Variants in PPM1E observed in about 807,000 individuals in gnomAD.
PPM1E encodes the protein protein phosphatase, Mg2+/Mn2+ dependent 1E.
A neutral mutation model predicts 65.9 loss-of-function variants in PPM1E; 20 were observed. The ratio of observed to expected loss-of-function variants is 0.30; its 90% CI spans 0.21 to 0.44. The LOEUF (loss-of-function observed/expected upper bound fraction) is 0.44, where lower values mean the gene tolerates loss of function less well. PPM1E is among the 20% of genes least tolerant of loss of function. The pLI, the probability that PPM1E is intolerant of heterozygous loss-of-function variation, is 1.00. For synonymous variants in PPM1E, 352 were observed against 374.9 expected (o/e 0.94, Z 0.70); for missense variants, 713 against 953.1 (o/e 0.75, Z 3.32).
intron 1 of PPM1E, among the ~76,000 whole-genome samples, chr17:58,877,338 C>A (rs975035184): frequency 6.6e-6 from 1 of 152,078 alleles, no homozygotes; most frequent in Non-Finnish European, 1.5e-5. Context: ...TTTTAAAATT[C>A]TCTTCTTTAA....
intron 1 of PPM1E, among the ~76,000 whole-genome samples, chr17:58,801,400 C>A (rs2050256328): frequency 6.6e-6 from 1 of 150,850 alleles, no homozygotes; most frequent in African/African-American, 2.4e-5. Flanking sequence ...GATAAATGTC[C>A]CCCTTTATCT....
intron 1 of PPM1E, among the ~76,000 whole-genome samples, chr17:58,808,998 C>G (rs1051537512): frequency 7.9e-5 from 12 of 152,232 alleles, no homozygotes; most frequent in African/African-American, 2.9e-4. Context: ...AGTCTCATTT[C>G]TTCTATAAGT....
At chr17:58,802,996 C>G (rs1211102246) in intron 1 of PPM1E, among the ~76,000 whole-genome samples, 1 of 152,082 alleles carries the variant, frequency 6.6e-6, no homozygotes, top group Non-Finnish European at 1.5e-5. Context: ...TTTACTTCCT[C>G]TTTTCTCATC....
intron 1 of PPM1E, among the ~76,000 whole-genome samples, chr17:58,840,429 GAATA>G (rs2050706867): frequency 6.6e-6 from 1 of 152,214 alleles, no homozygotes. Flanking sequence ...GAGGCTTAGA[GAATA>G]CCTCCCTGGA....
intron 1 of PPM1E, among the ~76,000 whole-genome samples, chr17:58,855,753 A>T (rs1021938635): frequency 3.9e-5 from 6 of 152,198 alleles, no homozygotes; most frequent in African/African-American, 1.4e-4. Context: ...GTAACAAACC[A>T]TCCTACGTTT....
At chr17:58,780,224 A>G (rs1391393527) in intron 1 of PPM1E, among the ~76,000 whole-genome samples, 1 of 152,360 alleles carries the variant, frequency 6.6e-6, no homozygotes. Flanking sequence ...TATATAAGAA[A>G]AAGGCTGGAT....
chr17:58,853,720 C>T (rs564391945), intron 1 of PPM1E, among the ~76,000 whole-genome samples: 5 of 152,094 alleles, frequency 3.3e-5, no homozygotes, highest in African/African-American at 1.2e-4. Context: ...CCCAGCTATT[C>T]CTCAGGAGAC....
chr17:58,953,626 G>A (rs1295687431), intron 1 of PPM1E, among the ~76,000 whole-genome samples: 1 of 152,000 alleles, frequency 6.6e-6, no homozygotes, highest in Non-Finnish European at 1.5e-5. Context: ...TTCCATTTCC[G>A]TAGCTTTAAA....
At chr17:58,944,046 G>A (rs1341749338) in intron 1 of PPM1E, among the ~76,000 whole-genome samples, 1 of 151,958 alleles carries the variant, frequency 6.6e-6, no homozygotes, top group Admixed American at 6.6e-5. Flanking sequence ...TCATCCTACA[G>A]TCAGATTCTA....
chr17:58,959,045 A>G (rs2029939906), intron 2 of PPM1E, among the ~76,000 whole-genome samples: 1 of 152,104 alleles, frequency 6.6e-6, no homozygotes, highest in Non-Finnish European at 1.5e-5. Context: ...TGTGGTGGCT[A>G]CGTCTGTAAT....
chr17:58,899,982 G>A (rs1235144534), intron 1 of PPM1E, among the ~76,000 whole-genome samples: 2 of 151,330 alleles, frequency 1.3e-5, no homozygotes, highest in Non-Finnish European at 2.9e-5. Flanking sequence ...ATCACTTGAG[G>A]CCAGGAGTTC....
intron 1 of PPM1E, among the ~76,000 whole-genome samples, chr17:58,886,623 A>G (rs922726606): frequency 6.6e-6 from 1 of 152,196 alleles, no homozygotes; most frequent in Non-Finnish European, 1.5e-5. Context: ...TACTGGCATT[A>G]ACTGAGGATT....
intron 1 of PPM1E, among the ~76,000 whole-genome samples, chr17:58,850,405 T>G (rs2050814729): frequency 6.6e-6 from 1 of 152,222 alleles, no homozygotes; most frequent in Non-Finnish European, 1.5e-5. Flanking sequence ...GTTTTTGCAG[T>G]GGCTGGTACT....
chr17:58,812,260 C>A (rs558043561), intron 1 of PPM1E, among the ~76,000 whole-genome samples: 1 of 134,278 alleles, frequency 7.4e-6, no homozygotes, highest in African/African-American at 2.8e-5. Context: ...GCCCACATTG[C>A]GCCACTGAAC....
At chr17:58,819,475 T>G (rs966487801) in intron 1 of PPM1E, among the ~76,000 whole-genome samples, 1 of 152,132 alleles carries the variant, frequency 6.6e-6, no homozygotes, top group Non-Finnish European at 1.5e-5. Flanking sequence ...CTAATTACAT[T>G]TTTTGTTTCT....
At chr17:58,777,811 C>A (rs970293641) in intron 1 of PPM1E, among the ~76,000 whole-genome samples, 2 of 152,210 alleles carry the variant, frequency 1.3e-5, no homozygotes, top group Non-Finnish European at 2.9e-5. Flanking sequence ...ATCCTATCCT[C>A]AGTACCTAGG....
At chr17:58,772,932 A>G (rs2049954491) in intron 1 of PPM1E, among the ~76,000 whole-genome samples, 1 of 151,824 alleles carries the variant, frequency 6.6e-6, no homozygotes, top group Non-Finnish European at 1.5e-5. Context: ...TTATTTGGCT[A>G]TTAGAACAGT....
chr17:58,926,419 C>G lies in PPM1E; in HGVS notation c.465-29230C>G, dbSNP rs2051824511. Among the ~76,000 whole-genome samples the G allele has an allele frequency of 2.0e-5, 3 of 151,052 alleles. No individual in the cohort carries two copies. The South Asian group carries it at 6.3e-4, about 32-fold the overall frequency. ...AGCACTGAAAGAGGAAGGAAGGGTA[C>G]TATTGCTTTTCATTATAACTCCCTT... On this transcript the variant is annotated intron_variant, in intron 1 of 6. Coordinates refer to ENST00000308249, the MANE Select transcript of PPM1E (RefSeq NM_014906.5).
At chr17:58,832,562 G>A (rs949701842) in intron 1 of PPM1E, among the ~76,000 whole-genome samples, 1 of 152,060 alleles carries the variant, frequency 6.6e-6, no homozygotes, top group Non-Finnish European at 1.5e-5. Flanking sequence ...AAATAATCTG[G>A]AGTGTAGGTT....
Sources: allele counts gnomAD v4.1 joint callset (sites outside exome capture counted in the v4.1 genomes callset), GRCh38; gene constraint gnomAD v4.1.1; transcripts MANE v1.5; gene names NCBI Gene and HGNC (gene_info 2026-07-23, HGNC 2026-07-21).